Variants in LPCAT1 observed in about 807,000 individuals in gnomAD.
LPCAT1 encodes the protein lysophosphatidylcholine acyltransferase 1, also known as 1-acylglycerol-3-phosphate O-acyltransferase.
A neutral mutation model predicts 60.9 loss-of-function variants in LPCAT1; 23 were observed. The observed-to-expected ratio is 0.38, with a 90% confidence interval of 0.27 to 0.53. The LOEUF (loss-of-function observed/expected upper bound fraction) is 0.53. LPCAT1 is among the 20% of genes least tolerant of loss of function. LPCAT1 has a pLI of 0.82. For synonymous variants in LPCAT1, 340 were observed against 301.1 expected, an observed-to-expected ratio of 1.13 and a Z score of -1.34; for missense variants, 622 against 723.6, an observed-to-expected ratio of 0.86 and a Z score of 1.61.
intron 3 of LPCAT1, among the ~76,000 whole-genome samples, chr5:1,493,324 G>T (rs563384990): frequency 3.8e-4 from 58 of 152,352 alleles, no homozygotes; most frequent in Admixed American, 1.9e-3. Context: ...CCATGCCAGG[G>T]TTCCTCACCC....
chr5:1,466,803 C>T lies in LPCAT1; in HGVS notation c.1366G>A (p.Val456Met). The T allele has an allele frequency of 6.2e-7, 1 of 1,613,246 alleles. No individual in the cohort carries two copies. The highest frequency in any genetic ancestry group is 8.5e-7 in the Non-Finnish European group (1 of 1,179,460). Residue 456 changes from valine to methionine, a missense_variant, in exon 13 of 14, where the codon GTG (valine) becomes ATG (methionine). Physicochemically the swap from Val to Met is conservative, Grantham distance 21 (BLOSUM62 1). Around this residue, in one of 3 missense-constraint regions of LPCAT1, gnomAD observed 288 missense variants for 283.6 expected, o/e 1.02. Transcript: ENST00000283415. ...TCAATGGCTCGGAATAGGTCGGTCA[C>T]GGTGAGCTCTGCCACCCCCAGGGCC... ...KTALGVAELT[V>M]TDLFRAIDQE...
chr5:1,473,861 C>T (rs1388602959), intron 11 of LPCAT1, 96 bp downstream of exon 11: 5 of 1,445,852 alleles, frequency 3.5e-6, no homozygotes, highest in East Asian at 4.8e-5. Context: ...CTTTCAAATT[C>T]ATGTGAAAAT....
intron 8 of LPCAT1, among the ~76,000 whole-genome samples, chr5:1,478,697 C>T (rs907261306): frequency 4.6e-5 from 7 of 152,284 alleles, no homozygotes; most frequent in African/African-American, 4.8e-5. Flanking sequence ...GAAAGCCGGG[C>T]TTATCAGTAT....
intron 12 of LPCAT1, among the ~76,000 whole-genome samples, chr5:1,469,614 T>C (rs1219569692): frequency 2.0e-5 from 3 of 152,090 alleles, no homozygotes; most frequent in African/African-American, 7.2e-5. Flanking sequence ...CTGTTTCTTC[T>C]AAAATTACAA....
Position 1,477,575 on chromosome 5 carries a change from A to G in LPCAT1, c.817-89T>C. On this transcript the variant is annotated intron_variant, in intron 8 of 13. Coordinates refer to ENST00000283415, the MANE Select transcript of LPCAT1 (RefSeq NM_024830.5). This position sits in a 1 kb window ranked among gnomAD's most constrained non-coding sequence, Gnocchi z 6.0. ...GACAACTGGGAGGCTGACAAAATTA[A>G]GATCTGTCAAAGTAACGCCCATTAG... 2.0e-6 allele frequency: 2 copies of G among 983,414 alleles called. No individual in the cohort carries two copies. The highest frequency in any genetic ancestry group is 3.1e-6 in the Non-Finnish European group (2 of 638,612). The allele number at this position is 983,414 out of a possible 1,614,324, so 60.9% of individuals were successfully genotyped here. A position where few individuals can be genotyped will look rare whatever the true frequency, so the allele number is the denominator to read the frequency against.
chr5:1,497,154 G>A (rs1735825282), intron 2 of LPCAT1, among the ~76,000 whole-genome samples: 1 of 152,218 alleles, frequency 6.6e-6, no homozygotes, highest in African/African-American at 2.4e-5. Context: ...TGGAAGAACA[G>A]GGCGCTGAGG....
chr5:1,489,786 T>C lies in LPCAT1; in HGVS notation c.566A>G (p.Glu189Gly), dbSNP rs1237639226. Residue 189 changes from glutamate to glycine, a missense_variant, in exon 4 of 14, where the codon GAA becomes GGA. By Grantham distance (98) the Glu-to-Gly change is moderately conservative. Around this residue, in one of 3 missense-constraint regions of LPCAT1, gnomAD observed 209 missense variants for 325.5 expected, o/e 0.64. Transcript: ENST00000283415. ...DQDSRRKTVEEIKRRAQSNGK... is the reference protein window; with the variant it reads ...DQDSRRKTVEGIKRRAQSNGK... Reference sequence around the variant, plus strand: ...GTTGGACTGCGCCCGTCTCTTGATTTCTTCTACTGTTTTCCTGCGAGAATC... The same window carrying C: ...GTTGGACTGCGCCCGTCTCTTGATTCCTTCTACTGTTTTCCTGCGAGAATC... 2 of 1,614,168 alleles carry C rather than the reference T, an allele frequency of 1.2e-6. No individual in the cohort carries two copies. Among genetic ancestry groups the C allele is most frequent in the Non-Finnish European group, 1.7e-6 (2 of 1,179,970 alleles).
At position 1,504,020 on chromosome 5, in the gene LPCAT1, T is replaced by C. The variant is rs56266421; in HGVS notation, c.136-2417A>G. Among the ~76,000 whole-genome samples, 1,481 of 152,398 alleles carry C rather than the reference T, an allele frequency of 9.7e-3. 14 individuals are homozygous for C. The highest frequency in any genetic ancestry group is 0.015 in the Non-Finnish European group (1,054 of 68,040). On this transcript the variant is annotated intron_variant, in intron 1 of 13. Coordinates refer to ENST00000283415, the MANE Select transcript of LPCAT1 (RefSeq NM_024830.5). ...TCTCAGATTTGTTCATTCTCTCTGT[T>C]GTGACCTAATCATATTAATTTTGGC...
rs1319066169 is a variant in LPCAT1 at position 1,501,544 on chromosome 5, C to T, written c.195G>A (p.Met65Ile). The change falls in exon 2 of 14, where the codon ATG becomes ATA. Residue 65 changes from methionine to isoleucine, a missense_variant. Transcript: ENST00000283415. Reference sequence around the variant, plus strand: ...CAAGTGCGAGGGGCCAGGCCAGCAGCATCATGGCAGCGGCAACCAGGAGCC... The same window carrying T: ...CAAGTGCGAGGGGCCAGGCCAGCAGTATCATGGCAGCGGCAACCAGGAGCC... Reference protein sequence around the residue: ...PVRLLVAAAMMLLAWPLALVA... With the variant: ...PVRLLVAAAMILLAWPLALVA... 6.2e-7 allele frequency: 1 copy of T among 1,613,930 alleles called. No homozygotes were observed. The highest frequency in any genetic ancestry group is 8.5e-7 in the Non-Finnish European group (1 of 1,179,988).
At position 1,466,854 on chromosome 5, in the gene LPCAT1, C is replaced by T. The variant is rs1339492979; in HGVS notation, c.1315G>A (p.Gly439Ser). The change falls in exon 13 of 14, where the codon GGT becomes AGT. Residue 439 changes from glycine (G) to serine (S), a missense_variant. This residue lies in a region of LPCAT1 where 288 missense variants were observed against 283.6 expected (regional missense o/e 1.02). Transcript: ENST00000283415. ...GTCTTGAGGATGCAGGACAGGTCAC[C>T]TTCGCCGACGCTGCCGTCCTCTTGC... ...GAQEDGSVGE[G>S]DLSCILKTAL... 3 of 1,609,482 alleles carry T rather than the reference C, an allele frequency of 1.9e-6. No individual in the cohort carries two copies. Among genetic ancestry groups the T allele is most frequent in the Non-Finnish European group, 1.7e-6 (2 of 1,177,212 alleles).
intron 1 of LPCAT1, among the ~76,000 whole-genome samples, chr5:1,517,224 G>T (rs189959022): frequency 6.6e-6 from 1 of 152,194 alleles, no homozygotes; most frequent in African/African-American, 2.4e-5. Flanking sequence ...GACGGTCGCG[G>T]CTCCTGGCCA....
intron 13 of LPCAT1, among the ~76,000 whole-genome samples, chr5:1,466,066 G>A (rs999515679): frequency 6.6e-6 from 1 of 152,254 alleles, no homozygotes; most frequent in African/African-American, 2.4e-5. Flanking sequence ...TGGGGATTGC[G>A]GCATCCACTG....
At chr5:1,488,931 C>T (rs1269184872) in intron 4 of LPCAT1, among the ~76,000 whole-genome samples, 1 of 152,246 alleles carries the variant, frequency 6.6e-6, no homozygotes, top group African/African-American at 2.4e-5. Context: ...GAGAGCCGAG[C>T]CCCAGTCAGG....
rs1452071613 is a variant in LPCAT1, at chr5:1,502,313, G to A, written c.136-710C>T. 6.6e-6 allele frequency among the ~76,000 whole-genome samples: 1 copy of A among 152,168 alleles called. No individual in the cohort carries two copies. The highest frequency in any genetic ancestry group is 1.5e-5 in the Non-Finnish European group (1 of 68,034). On this transcript the variant is annotated intron_variant, in intron 1 of 13. Transcript: ENST00000283415. The surrounding 1 kb of genome is among the most constrained non-coding windows in gnomAD (Gnocchi z 5.5). Reference sequence around the variant, plus strand: ...CAGGCCTCACTCAGCAGTTTCCCCTGAAATCGTTTATGTGGACATGAGAAA... The same window carrying A: ...CAGGCCTCACTCAGCAGTTTCCCCTAAAATCGTTTATGTGGACATGAGAAA...
Position 1,512,859 on chromosome 5 carries a change from C to A in LPCAT1, c.135+10851G>T, listed in dbSNP as rs148248491. Among the ~76,000 whole-genome samples, 303 of 152,358 alleles carry A rather than the reference C, an allele frequency of 2.0e-3. 1 individual carries two copies. The highest frequency in any genetic ancestry group is 6.3e-3 in the African/African-American group (264 of 41,598). ...AATTCCTGAGCACCTGCAATGTGCA[C>A]TCTGGACAAATGGTGTCCAGGTGCA... is the stretch of plus-strand genomic sequence containing the variant. On this transcript the variant is annotated intron_variant, in intron 1 of 13. Coordinates refer to ENST00000283415, the MANE Select transcript of LPCAT1 (RefSeq NM_024830.5).
chr5:1,495,358 C>T lies in LPCAT1; in HGVS notation c.279-444G>A, dbSNP rs142630015. 5.1e-3 allele frequency among the ~76,000 whole-genome samples: 773 copies of T among 151,054 alleles called. 9 individuals are homozygous for T. The highest frequency in any genetic ancestry group is 0.018 in the African/African-American group (749 of 40,914). ...GGGGGGGGGCGCTCAGAGCTGAGGG[C>T]GGAAGCTGAGACCTGCGTGCGAACT... On this transcript the variant is annotated intron_variant, in intron 2 of 13. Coordinates refer to ENST00000283415, the MANE Select transcript of LPCAT1 (RefSeq NM_024830.5). The surrounding 1 kb of genome is among the most constrained non-coding windows in gnomAD (Gnocchi z 4.7).
intron 13 of LPCAT1, 85 bp from the exon 14 acceptor site, chr5:1,463,920 G>C (rs543303584): frequency 7.0e-7 from 1 of 1,426,092 alleles, no homozygotes; most frequent in South Asian, 1.3e-5. Context: ...CGGCCCTGGT[G>C]GGTGTCCACC....
chr5:1,497,080 G>T (rs1012716450), intron 2 of LPCAT1, among the ~76,000 whole-genome samples: 3 of 152,222 alleles, frequency 2.0e-5, no homozygotes, highest in African/African-American at 7.2e-5. Context: ...TGACCCCAAG[G>T]AGACAGAAAG....
intron 11 of LPCAT1, among the ~76,000 whole-genome samples, chr5:1,471,630 G>T (rs1734672530): frequency 6.6e-6 from 1 of 151,062 alleles, no homozygotes; most frequent in African/African-American, 2.4e-5. Flanking sequence ...GAGATGAAGG[G>T]CAACCAGGAG....
Sources: allele counts gnomAD v4.1 joint callset (sites outside exome capture counted in the v4.1 genomes callset), GRCh38; gene constraint gnomAD v4.1.1; regional missense constraint gnomAD v4.1.1; non-coding constraint Gnocchi (gnomAD v3.1); transcripts MANE v1.5; gene names NCBI Gene and HGNC (gene_info 2026-07-23, HGNC 2026-07-21).